The following SLC9A9 variants were observed in gnomAD, a reference collection of about 807,000 sequenced individuals.
SLC9A9 encodes sodium/hydrogen exchanger 9.
Under a neutral mutation model 77.8 loss-of-function variants are expected in SLC9A9, and 62 were observed. That is an observed-to-expected ratio of 0.80 (90% confidence interval 0.65 to 0.98). The LOEUF is 0.98. Ranked by LOEUF, SLC9A9 falls within the 50% of genes least tolerant of loss-of-function variation. The pLI, the probability that SLC9A9 is intolerant of heterozygous loss-of-function variation, is 0.00. For missense variants in SLC9A9, 775 were observed against 774.9 expected (o/e 1.00, Z 0.00); for synonymous variants, 320 against 283.5 (o/e 1.13, Z -1.29).
At chr3:143,624,450 A>T (rs925690898) in intron 6 of SLC9A9, among the ~76,000 whole-genome samples, 2 of 152,174 alleles carry the variant, frequency 1.3e-5, no homozygotes, top group Non-Finnish European at 2.9e-5. Context: ...GGGATGCAAG[A>T]CTGGTTCAAC....
rs1199994208 is a variant in SLC9A9, at chr3:143,493,586, T to C, written c.1315+67A>G. 3.5e-6 allele frequency: 5 copies of C among 1,448,262 alleles called. No individual in the cohort carries two copies. The African/African-American group carries it at 7.0e-5, about 20-fold the overall frequency. 89.7% of individuals were successfully genotyped at this position (1,448,262 alleles called of 1,614,324 possible). A position where few individuals can be genotyped will look rare whatever the true frequency, so the allele number is the denominator to read the frequency against. On this transcript the variant is annotated intron_variant, in intron 11 of 15. Coordinates refer to ENST00000316549, the MANE Select transcript of SLC9A9 (RefSeq NM_173653.4). Reference sequence around the variant, plus strand: ...CCCAAAAGGGTTCTAAATTTTCTCATGGTTTTTCATGTTCTGTAAAATTGT... The same window carrying C: ...CCCAAAAGGGTTCTAAATTTTCTCACGGTTTTTCATGTTCTGTAAAATTGT...
chr3:143,326,995 A>G (rs1455812039), intron 14 of SLC9A9, among the ~76,000 whole-genome samples: 4 of 152,174 alleles, frequency 2.6e-5, no homozygotes. Context: ...CTGTCAGTAG[A>G]TGGAGTATAT....
intron 11 of SLC9A9, among the ~76,000 whole-genome samples, chr3:143,479,528 T>C (rs1277454218): frequency 1.3e-5 from 2 of 152,330 alleles, no homozygotes; most frequent in Non-Finnish European, 1.5e-5. Context: ...GCTGGGATTA[T>C]AGGTGTGAGC....
chr3:143,398,104 C>T (rs5017364), intron 12 of SLC9A9, among the ~76,000 whole-genome samples: 4,554 of 152,164 alleles, frequency 0.03, 229 homozygotes, highest in African/African-American at 0.1. Context: ...ACTTCCCCCC[C>T]GCCACCACCT....
chr3:143,771,019 TA>T (rs376585402), intron 4 of SLC9A9, among the ~76,000 whole-genome samples: 6 of 145,350 alleles, frequency 4.1e-5, no homozygotes, highest in African/African-American at 1.3e-4. Context: ...TAAAGTAAAA[TA>T]AAAAAAAAAG....
intron 6 of SLC9A9, among the ~76,000 whole-genome samples, chr3:143,589,812 G>A (rs535992203): frequency 6.6e-6 from 1 of 152,194 alleles, no homozygotes; most frequent in Non-Finnish European, 1.5e-5. Context: ...GGGAAAGCCT[G>A]TGACTGGGGA....
chr3:143,374,422 C>CAAAAAAAAAAAAAAA (rs34787603), intron 13 of SLC9A9, among the ~76,000 whole-genome samples: 2 of 67,462 alleles, frequency 3.0e-5, no homozygotes, highest in African/African-American at 5.9e-5. Flanking sequence ...GACTCTGTCT[C>CAAAAAAAAAAAAAAA]AAAAAAAAAA....
At chr3:143,339,263 C>T (rs771848184) in intron 14 of SLC9A9, among the ~76,000 whole-genome samples, 2 of 152,150 alleles carry the variant, frequency 1.3e-5, no homozygotes, top group Admixed American at 6.5e-5. Flanking sequence ...GGAGGTTCAT[C>T]GCATGGCCCC....
At chr3:143,730,494 A>G (rs1160740798) in intron 4 of SLC9A9, among the ~76,000 whole-genome samples, 4 of 152,130 alleles carry the variant, frequency 2.6e-5, no homozygotes, top group Non-Finnish European at 1.5e-5. Flanking sequence ...TGCCTAGAAC[A>G]TCCTTTCTTC....
In SLC9A9 at chr3:143,342,461, C is replaced by T. The variant is rs113013677; in HGVS notation, c.1604+21023G>A. On this transcript the variant is annotated intron_variant, in intron 14 of 15. Coordinates refer to ENST00000316549, the MANE Select transcript of SLC9A9 (RefSeq NM_173653.4). ...GACCAGCAGACCCTGATCTAAGAAGCTAGATGATTCCTCATGAGGTCACTT... is the reference window on the plus strand; with the variant it reads ...GACCAGCAGACCCTGATCTAAGAAGTTAGATGATTCCTCATGAGGTCACTT... 2.8e-3 allele frequency among the ~76,000 whole-genome samples: 425 copies of T among 152,248 alleles called. 3 individuals carry two copies. Among genetic ancestry groups the T allele is most frequent in the African/African-American group, 9.4e-3 (392 of 41,544 alleles).
intron 4 of SLC9A9, among the ~76,000 whole-genome samples, chr3:143,747,141 C>A (rs543340923): frequency 6.6e-6 from 1 of 152,112 alleles, no homozygotes; most frequent in Non-Finnish European, 1.5e-5. Context: ...CAGGGTGGCT[C>A]ACGCCTGCAA....
At chr3:143,349,408 A>G (rs10446322) in intron 14 of SLC9A9, among the ~76,000 whole-genome samples, 98,913 of 152,036 alleles carry the variant, frequency 0.65, 33,278 homozygotes, top group African/African-American at 0.82. Flanking sequence ...ATGTGGTTGT[A>G]AAGGAGGGTG....
At chr3:143,743,770 C>A (rs1935139525) in intron 4 of SLC9A9, among the ~76,000 whole-genome samples, 1 of 152,284 alleles carries the variant, frequency 6.6e-6, no homozygotes, top group African/African-American at 2.4e-5. Flanking sequence ...TAAGTTGACA[C>A]CTAAAATGAA....
chr3:143,414,342 G>A (rs895614129), intron 12 of SLC9A9, among the ~76,000 whole-genome samples: 86 of 152,186 alleles, frequency 5.7e-4, no homozygotes, highest in African/African-American at 1.3e-3. Context: ...ATGTATGTGT[G>A]TACAAGCAAA....
At chr3:143,344,218 C>T (rs1284114798) in intron 14 of SLC9A9, among the ~76,000 whole-genome samples, 1 of 152,128 alleles carries the variant, frequency 6.6e-6, no homozygotes, top group Non-Finnish European at 1.5e-5. Flanking sequence ...GACTACCGAG[C>T]TTTCATATGG....
intron 4 of SLC9A9, among the ~76,000 whole-genome samples, chr3:143,755,891 T>C (rs932017755): frequency 6.6e-6 from 1 of 152,162 alleles, no homozygotes; most frequent in Non-Finnish European, 1.5e-5. Context: ...GAGAGAATTA[T>C]GTTGGCAATC....
At chr3:143,570,041 A>G (rs2108654156) in intron 8 of SLC9A9, among the ~76,000 whole-genome samples, 1 of 151,866 alleles carries the variant, frequency 6.6e-6, no homozygotes, top group East Asian at 1.9e-4. Flanking sequence ...CTTGGGCCCA[A>G]GCAATCCTCC....
chr3:143,382,924 T>C (rs2033339232), intron 12 of SLC9A9, among the ~76,000 whole-genome samples: 1 of 152,198 alleles, frequency 6.6e-6, no homozygotes, highest in Admixed American at 6.5e-5. Flanking sequence ...TTGTTGATAG[T>C]TGGAAGGCAT....
At chr3:143,641,617 T>C (rs2038624959) in intron 6 of SLC9A9, among the ~76,000 whole-genome samples, 1 of 152,028 alleles carries the variant, frequency 6.6e-6, no homozygotes, top group South Asian at 2.1e-4. Context: ...ATGGTCTCGA[T>C]CTCCTGACCT....
Sources: gnomAD v4.1 joint callset for allele counts (sites outside exome capture counted in the v4.1 genomes callset) on GRCh38, gnomAD v4.1.1 for gene constraint, MANE v1.5 for transcripts, NCBI Gene and HGNC (gene_info 2026-07-23, HGNC 2026-07-21) for gene names.